SLC22A9: variants seen among roughly 807,000 people sequenced by gnomAD.
The protein encoded by SLC22A9 is solute carrier family 22 member 9.
In SLC22A9, 64 loss-of-function variants were observed where a neutral mutation model predicts 50.1. The ratio of observed to expected loss-of-function variants is 1.28; its 90% CI spans 1.04 to 1.57. SLC22A9 has a LOEUF of 1.57. Among genes scored for constraint, SLC22A9 ranks in the 40% most tolerant of loss-of-function variants. The probability of loss-of-function intolerance (pLI) is 0.00; values close to 1 mark genes in which losing one functional copy is unlikely to be tolerated. For missense variants in SLC22A9, 757 were observed against 676.1 expected, an observed-to-expected ratio of 1.12 and a Z score of -1.33; for synonymous variants, 261 against 242.5, an observed-to-expected ratio of 1.08 and a Z score of -0.71.
chr11:63,372,993 T>C (rs953650466), intron 2 of SLC22A9, among the ~76,000 whole-genome samples: 7 of 152,114 alleles, frequency 4.6e-5, no homozygotes, highest in Admixed American at 3.9e-4. Context: ...AAACCTTTGA[T>C]ACAATGCCAA....
chr11:63,405,923 A>G (rs2015028589), intron 6 of SLC22A9, among the ~76,000 whole-genome samples: 1 of 152,206 alleles, frequency 6.6e-6, no homozygotes, highest in Non-Finnish European at 1.5e-5. Context: ...AATGACAATT[A>G]TGACCATCAT....
Position 63,406,510 on chromosome 11 carries a change from ATGGCCTAT to A in SLC22A9, c.1089_1096del (p.Met363IlefsTer4), listed in dbSNP as rs766323821. 9.3e-6 allele frequency: 15 copies of A among 1,613,440 alleles called. No individual in the cohort carries two copies. The highest frequency in any genetic ancestry group is 1.3e-5 in the Non-Finnish European group (15 of 1,179,650). On this transcript the variant is annotated frameshift_variant, in exon 7 of 10. Transcript: ENST00000279178. LOFTEE classifies it high-confidence loss of function. ...TAATCATCACAGATTTGCAAACTTTATGGCCTATTTTGGCCTTAATCTCCATGTCCAGC... is the reference window on the plus strand; with the variant it reads ...TAATCATCACAGATTTGCAAACTTTATTTGGCCTTAATCTCCATGTCCAGC...
chr11:63,409,798 C>T lies in SLC22A9; in HGVS notation c.1602-4C>T. On this transcript the variant is annotated splice_region_variant and splice_polypyrimidine_tract_variant and intron_variant, in intron 9 of 9. Transcript: ENST00000279178. ...TTTTGTTGGTTTCTTTGTATTTGTT[C>T]TAGGAGAAAAGACCCCAGAGAACCA... 1.9e-6 allele frequency: 3 copies of T among 1,613,094 alleles called. No homozygotes were observed. The highest frequency in any genetic ancestry group is 2.5e-6 in the Non-Finnish European group (3 of 1,179,580).
chr11:63,398,666 G>A (rs2014902251), intron 6 of SLC22A9, among the ~76,000 whole-genome samples: 1 of 152,160 alleles, frequency 6.6e-6, no homozygotes, highest in Non-Finnish European at 1.5e-5. Flanking sequence ...AGCACACAAA[G>A]ATGCCCTGCA....
rs990021927 is a variant in SLC22A9 at position 63,374,007 on chromosome 11, C to T, written c.775C>T (p.His259Tyr). The change falls in exon 4 of 10, where the codon CAT becomes TAT. Residue 259 changes from histidine to tyrosine, a missense_variant. Physicochemically the swap from His to Tyr is moderately conservative, Grantham distance 83. Transcript: ENST00000279178. ...AGLAFAIRDW[H>Y]ILQLVVSVPY... ...CCTGGCTTTTGCCATTCGAGACTGG[C>T]ATATCCTCCAGCTGGTGGTGTCTGT... 1 of 1,613,580 alleles carries T rather than the reference C, an allele frequency of 6.2e-7. No homozygotes were observed. Among genetic ancestry groups the T allele is most frequent in the Non-Finnish European group, 8.5e-7 (1 of 1,179,742 alleles).
intron 6 of SLC22A9, among the ~76,000 whole-genome samples, chr11:63,401,828 T>G (rs1211230742): frequency 6.6e-6 from 1 of 152,130 alleles, no homozygotes; most frequent in Non-Finnish European, 1.5e-5. Context: ...ATCTCATTAT[T>G]GCTTTCATTT....
Position 63,410,257 on chromosome 11 carries a change from A to AAAAAAAAAAAAAGAAGGAAAGAAAG in SLC22A9, c.*398_*399insAAAAAAAAAGAAGGAAAGAAAGAAA. The AAAAAAAAAAAAAGAAGGAAAGAAAG allele has an allele frequency of 7.4e-5, 8 of 108,472 alleles. No homozygotes were observed. The highest frequency in any genetic ancestry group is 5.5e-4 in the East Asian group (1 of 1,802). 6.7% of individuals were successfully genotyped at this position (108,472 alleles called of 1,614,324 possible). A position where few individuals can be genotyped will look rare whatever the true frequency, so the allele number is the denominator to read the frequency against. On this transcript the variant is annotated 3_prime_UTR_variant, in exon 10 of 10. Transcript: ENST00000279178. ...CTGTCTCAAAAAAAAAAAAAAAAAA[A>AAAAAAAAAAAAAGAAGGAAAGAAAG]AAAGAAAGAAGGAAAGAAAGAAAGA... is the stretch of plus-strand genomic sequence containing the variant.
chr11:63,398,800 T>G (rs558294239), intron 6 of SLC22A9, among the ~76,000 whole-genome samples: 72 of 152,304 alleles, frequency 4.7e-4, no homozygotes, highest in African/African-American at 1.7e-3. Context: ...ATCTCCCACT[T>G]TATTTTTGGC....
intron 6 of SLC22A9, among the ~76,000 whole-genome samples, chr11:63,394,902 T>A (rs1170624826): frequency 6.6e-6 from 1 of 152,078 alleles, no homozygotes. Flanking sequence ...CCAGACTTTT[T>A]GGAGGCTTTG....
intron 6 of SLC22A9, among the ~76,000 whole-genome samples, chr11:63,384,689 C>T (rs1299328122): frequency 1.3e-5 from 2 of 152,124 alleles, no homozygotes; most frequent in Non-Finnish European, 2.9e-5. Context: ...ATGGTATTTC[C>T]GTTCTAGATC....
chr11:63,370,189 C>T lies in SLC22A9; in HGVS notation c.133C>T (p.Pro45Ser), dbSNP rs751511062. The change falls in exon 1 of 10, where the codon CCT becomes TCT. Residue 45 changes from proline to serine, a missense_variant. Physicochemically the swap from Pro to Ser is moderately conservative, Grantham distance 74. Transcript: ENST00000279178. ...GCTGGAGAACTTCACTGCATTCATA[C>T]CTGGCCATCGCTGCTGGGTCCACAT... ...FMLENFTAFI[P>S]GHRCWVHILD... 2.5e-6 allele frequency: 4 copies of T among 1,614,080 alleles called. No individual in the cohort carries two copies. The Admixed American group carries it at 6.7e-5, about 27-fold the overall frequency.
Position 63,370,078 on chromosome 11 carries a change from G to T in SLC22A9, c.22G>T (p.Gly8Cys). The stretch of plus-strand genomic sequence containing the variant: ...CTCAATGGCCTTTCAGGACCTCCTG[G>T]GTCACGCTGGTGACCTGTGGAGATT... MAFQDLL[G>C]HAGDLWRFQI... The change falls in exon 1 of 10, where the codon GGT becomes TGT. Residue 8 changes from glycine (G) to cysteine (C), a missense_variant. Gly to Cys is a radical substitution (Grantham distance 159, BLOSUM62 -3). Transcript: ENST00000279178. 2 of 1,612,746 alleles carry T rather than the reference G, an allele frequency of 1.2e-6. No homozygotes were observed. The highest frequency in any genetic ancestry group is 8.5e-7 in the Non-Finnish European group (1 of 1,179,266).
chr11:63,379,291 T>C (rs888899854), intron 5 of SLC22A9, among the ~76,000 whole-genome samples: 5 of 152,150 alleles, frequency 3.3e-5, no homozygotes, highest in African/African-American at 7.2e-5. Flanking sequence ...ATTCAGTCAA[T>C]GGTGTGATAA....
chr11:63,386,757 A>AT (rs1213656494), intron 6 of SLC22A9, among the ~76,000 whole-genome samples: 1 of 150,376 alleles, frequency 6.6e-6, no homozygotes, highest in African/African-American at 2.4e-5. Context: ...TATTTTATTA[A>AT]TTTTTTCAAA....
intron 2 of SLC22A9, among the ~76,000 whole-genome samples, chr11:63,371,538 A>C (rs1327458020): frequency 1.3e-5 from 2 of 152,184 alleles, no homozygotes; most frequent in Non-Finnish European, 2.9e-5. Flanking sequence ...GGGAATAGAA[A>C]GGAAGACGTT....
At chr11:63,374,211 G>T (rs2119871200) in intron 4 of SLC22A9, 149 bp downstream of exon 4, 2 of 639,686 alleles carry the variant, frequency 3.1e-6, no homozygotes, top group East Asian at 6.5e-5. Flanking sequence ...ACAAGAAGCA[G>T]AACACATAGA....
chr11:63,390,889 A>T (rs2014752525), intron 6 of SLC22A9, among the ~76,000 whole-genome samples: 1 of 151,788 alleles, frequency 6.6e-6, no homozygotes, highest in Non-Finnish European at 1.5e-5. Context: ...TTGCTTTTCT[A>T]GTTCTTTAAG....
In SLC22A9 at chr11:63,382,179, A is replaced by G. The variant is rs770726052; in HGVS notation, c.975A>G (p.Lys325=). Residue 325 remains lysine (K), a synonymous_variant, in exon 6 of 10, where the codon AAA becomes AAG. Transcript: ENST00000279178. ...TGAAGATTTTGAAATCCACCATGAA[A>G]AAAGAACTGGAGGCAGCACAAAAAA... ...LTLEILKSTM[K]KELEAAQKKK... 1.2e-6 allele frequency: 2 copies of G among 1,605,172 alleles called. No homozygotes were observed. Among genetic ancestry groups the G allele is most frequent in the South Asian group, 2.3e-5 (2 of 88,444 alleles).
At position 63,409,812 on chromosome 11, in the gene SLC22A9, C is replaced by A. The variant is rs370631063; in HGVS notation, c.1612C>A (p.Pro538Thr). 65 of 1,612,922 alleles carry A rather than the reference C, an allele frequency of 4.0e-5. No individual in the cohort carries two copies. Among genetic ancestry groups the A allele is most frequent in the Non-Finnish European group, 5.4e-5 (64 of 1,179,620 alleles). The change falls in exon 10 of 10, where the codon CCC becomes ACC. Residue 538 changes from proline (P) to threonine (T), a missense_variant. Coordinates refer to ENST00000279178, the MANE Select transcript of SLC22A9 (RefSeq NM_080866.3). Reference protein sequence around the residue: ...IQDEKNERKDPREPKQEDPRV... With the variant: ...IQDEKNERKDTREPKQEDPRV... ...TTGTATTTGTTCTAGGAGAAAAGAC[C>A]CCAGAGAACCAAAGCAAGAGGATCC...
Sources: allele counts gnomAD v4.1 joint callset (sites outside exome capture counted in the v4.1 genomes callset), GRCh38; gene constraint gnomAD v4.1.1; transcripts MANE v1.5; gene names NCBI Gene and HGNC (gene_info 2026-07-23, HGNC 2026-07-21).